COX7B2: variants seen among roughly 807,000 people sequenced by gnomAD.
COX7B2 encodes cytochrome c oxidase subunit 7B2.
For synonymous variants in COX7B2, 37 were observed against 32.1 expected, an observed-to-expected ratio of 1.15 and a Z score of -0.51; for missense variants, 109 against 95.9, an observed-to-expected ratio of 1.14 and a Z score of -0.57.
chr4:46,855,697 A>C (rs1248272658), intron 1 of COX7B2, among the ~76,000 whole-genome samples: 1 of 152,162 alleles, frequency 6.6e-6, no homozygotes, highest in Non-Finnish European at 1.5e-5. Context: ...GAGATATGTA[A>C]TATTTTTTAC....
intron 2 of COX7B2, among the ~76,000 whole-genome samples, chr4:46,776,855 T>C (rs1717180521): frequency 6.6e-6 from 1 of 152,136 alleles, no homozygotes; most frequent in Non-Finnish European, 1.5e-5. Flanking sequence ...TTCAGGGCTT[T>C]TCTTGATCAC....
chr4:46,873,482 T>C (rs994587713), intron 1 of COX7B2, among the ~76,000 whole-genome samples: 2 of 152,170 alleles, frequency 1.3e-5, no homozygotes, highest in African/African-American at 4.8e-5. Flanking sequence ...CAGCATCTGT[T>C]GTTTCCTGAC....
intron 2 of COX7B2, among the ~76,000 whole-genome samples, chr4:46,802,898 G>T (rs1215672162): frequency 6.6e-6 from 1 of 152,076 alleles, no homozygotes; most frequent in Non-Finnish European, 1.5e-5. Context: ...TGTACTAAAG[G>T]GGGATTCCAG....
chr4:46,882,058 A>G (rs1027263666), intron 1 of COX7B2, among the ~76,000 whole-genome samples: 6 of 152,170 alleles, frequency 3.9e-5, no homozygotes, highest in African/African-American at 1.4e-4. Context: ...TTTACCCAAA[A>G]GTCATACAGG....
intron 2 of COX7B2, among the ~76,000 whole-genome samples, chr4:46,795,503 T>C (rs1425159282): frequency 7.0e-6 from 1 of 143,402 alleles, no homozygotes; most frequent in Non-Finnish European, 1.5e-5. Context: ...AAAGATCAGA[T>C]AGTTGTAGAT....
chr4:46,870,019 G>A (rs1200286584), intron 1 of COX7B2, among the ~76,000 whole-genome samples: 3 of 152,054 alleles, frequency 2.0e-5, no homozygotes, highest in Non-Finnish European at 4.4e-5. Flanking sequence ...CCAGTGATTT[G>A]TAGATTTGGC....
At chr4:46,800,376 A>G (rs1718590817) in intron 2 of COX7B2, among the ~76,000 whole-genome samples, 1 of 152,204 alleles carries the variant, frequency 6.6e-6, no homozygotes, top group Non-Finnish European at 1.5e-5. Context: ...CTACAAGGCT[A>G]CAGTCACCAA....
chr4:46,768,161 G>C (rs1716657995), intron 2 of COX7B2, among the ~76,000 whole-genome samples: 1 of 152,216 alleles, frequency 6.6e-6, no homozygotes, highest in East Asian at 1.9e-4. Flanking sequence ...ACCCATACCT[G>C]GGTCCTTGTC....
At chr4:46,768,480 A>G (rs933871238) in intron 2 of COX7B2, among the ~76,000 whole-genome samples, 6 of 152,162 alleles carry the variant, frequency 3.9e-5, no homozygotes, top group African/African-American at 1.4e-4. Context: ...TGGCAGGCCA[A>G]AAGGCAAAAT....
intron 1 of COX7B2, among the ~76,000 whole-genome samples, chr4:46,851,556 A>G (rs1716687850): frequency 6.6e-6 from 1 of 152,072 alleles, no homozygotes; most frequent in Non-Finnish European, 1.5e-5. Flanking sequence ...ACTAAACTCT[A>G]GACTTTACTT....
chr4:46,842,850 T>C (rs1241836978), intron 2 of COX7B2, among the ~76,000 whole-genome samples: 2 of 152,108 alleles, frequency 1.3e-5, no homozygotes, highest in Non-Finnish European at 2.9e-5. Flanking sequence ...TGAATAGTGC[T>C]GCTATAAACA....
chr4:46,770,624 T>A (rs563344399), intron 2 of COX7B2, among the ~76,000 whole-genome samples: 40 of 151,520 alleles, frequency 2.6e-4, no homozygotes, highest in Non-Finnish European at 4.6e-4. Flanking sequence ...TAAAAACAGA[T>A]ATATAGACCA....
chr4:46,846,552 A>T (rs563875860), intron 1 of COX7B2, among the ~76,000 whole-genome samples: 5 of 152,072 alleles, frequency 3.3e-5, no homozygotes, highest in Admixed American at 1.3e-4. Flanking sequence ...CTTCTGGGGG[A>T]AGAGTGTTCC....
At chr4:46,777,376 CAG>C (rs140877565) in intron 2 of COX7B2, among the ~76,000 whole-genome samples, 48 of 148,658 alleles carry the variant, frequency 3.2e-4, no homozygotes, top group Non-Finnish European at 3.7e-4. Flanking sequence ...AGTGGAGTGC[CAG>C]AGAGAGAGAG....
chr4:46,781,316 G>A (rs567883148), intron 2 of COX7B2, among the ~76,000 whole-genome samples: 258 of 152,294 alleles, frequency 1.7e-3, no homozygotes, highest in Non-Finnish European at 3.0e-3. Context: ...CCCAAACTAA[G>A]TCAAACAGAT....
chr4:46,844,042 T>C (rs1466968306), intron 2 of COX7B2, among the ~76,000 whole-genome samples: 1 of 151,962 alleles, frequency 6.6e-6, no homozygotes, highest in Non-Finnish European at 1.5e-5. Flanking sequence ...TGTAAGGAAA[T>C]ATCAACATTT....
intron 2 of COX7B2, among the ~76,000 whole-genome samples, chr4:46,810,459 G>A (rs2109659939): frequency 6.6e-6 from 1 of 151,792 alleles, no homozygotes; most frequent in East Asian, 1.9e-4. Context: ...TTTTGTGTAT[G>A]TGGTCACCAT....
intron 2 of COX7B2, among the ~76,000 whole-genome samples, chr4:46,824,350 C>T (rs550754788): frequency 6.6e-6 from 1 of 152,086 alleles, no homozygotes; most frequent in South Asian, 2.1e-4. Flanking sequence ...CAAAATCTGG[C>T]AACATACACA....
At position 46,753,286 on chromosome 4, in the gene COX7B2, C is replaced by T. The variant is rs1366415370; in HGVS notation, c.-49-18045G>A. On this transcript the variant is annotated intron_variant, in intron 2 of 2. Transcript: ENST00000355591. ...ATATCCCCTTTATCATTTTTTATTG[C>T]ATCTATTTGATTTTTCTTTCTTTTC... Among the ~76,000 whole-genome samples, 9 of 151,850 alleles carry T rather than the reference C, an allele frequency of 5.9e-5. No individual in the cohort carries two copies. The East Asian group carries it at 7.7e-4, about 13-fold the overall frequency.
Sources: allele counts gnomAD v4.1 joint callset (sites outside exome capture counted in the v4.1 genomes callset), GRCh38; gene constraint gnomAD v4.1.1; transcripts MANE v1.5; gene names NCBI Gene and HGNC (gene_info 2026-07-23, HGNC 2026-07-21).